NTRK3: variants seen among roughly 807,000 people sequenced by gnomAD.
The protein encoded by NTRK3 is NT-3 growth factor receptor.
In NTRK3, 24 loss-of-function variants were observed where a neutral mutation model predicts 91.7. That is an observed-to-expected ratio of 0.26 (90% CI 0.19 to 0.37). NTRK3 has a LOEUF of 0.37. Among genes scored for constraint, NTRK3 ranks in the 10% least tolerant of loss-of-function variants. The probability of loss-of-function intolerance (pLI) is 1.00; values close to 1 mark genes in which losing one functional copy is unlikely to be tolerated. For synonymous variants in NTRK3, 483 were observed against 404.0 expected, an observed-to-expected ratio of 1.20 and a Z score of -2.34; for missense variants, 880 against 1,068.9, an observed-to-expected ratio of 0.82 and a Z score of 2.46.
chr15:88,251,849 C>T (rs1424879742), intron 3 of NTRK3, among the ~76,000 whole-genome samples: 1 of 152,134 alleles, frequency 6.6e-6, no homozygotes, highest in Non-Finnish European at 1.5e-5. Flanking sequence ...TTCCTGGGGC[C>T]AGTAGATGAG....
intron 3 of NTRK3, among the ~76,000 whole-genome samples, chr15:88,186,156 A>G (rs561977794): frequency 6.6e-6 from 1 of 152,354 alleles, no homozygotes; most frequent in East Asian, 1.9e-4. Context: ...GTAGATCACC[A>G]TGATTGTACA....
intron 14 of NTRK3, among the ~76,000 whole-genome samples, chr15:87,975,820 G>A (rs1489634047): frequency 6.6e-6 from 1 of 152,170 alleles, no homozygotes; most frequent in Admixed American, 6.5e-5. Context: ...CTTCTCACTA[G>A]CAGCACAAGG....
intron 17 of NTRK3, among the ~76,000 whole-genome samples, chr15:87,921,239 A>T (rs1346238790): frequency 6.6e-6 from 1 of 152,222 alleles, no homozygotes; most frequent in Non-Finnish European, 1.5e-5. Flanking sequence ...GATATTTCAA[A>T]AACAGCAAAG....
intron 15 of NTRK3, among the ~76,000 whole-genome samples, chr15:87,937,826 A>G (rs949298887): frequency 2.0e-5 from 3 of 152,190 alleles, no homozygotes; most frequent in Admixed American, 2.0e-4. Flanking sequence ...GATATCTTGG[A>G]AATAAAAGAT....
chr15:88,049,332 C>T (rs1448544764), intron 13 of NTRK3, among the ~76,000 whole-genome samples: 1 of 152,164 alleles, frequency 6.6e-6, no homozygotes, highest in Non-Finnish European at 1.5e-5. Flanking sequence ...TGTGAGGTTA[C>T]AGCTATTTAA....
intron 13 of NTRK3, chr15:88,099,352 G>A (rs1418799281): frequency 5.0e-6 from 1 of 199,268 alleles, no homozygotes; most frequent in Non-Finnish European, 1.0e-5. Flanking sequence ...ATGGAAGAGA[G>A]AAGGTGCTTT....
chr15:88,168,506 G>A (rs1216428729), intron 5 of NTRK3, among the ~76,000 whole-genome samples: 1 of 152,218 alleles, frequency 6.6e-6, no homozygotes, highest in Non-Finnish European at 1.5e-5. Context: ...AATTACAAGA[G>A]CTTAATTTGT....
At chr15:88,138,188 G>A (rs1249396789) in intron 6 of NTRK3, among the ~76,000 whole-genome samples, 3 of 152,132 alleles carry the variant, frequency 2.0e-5, no homozygotes, top group Non-Finnish European at 4.4e-5. Context: ...AGGATCACAA[G>A]GTCAGGAGAT....
chr15:87,929,383 G>A (rs375334981), exon 17 of NTRK3: 1 of 1,613,992 alleles, frequency 6.2e-7, no homozygotes, highest in African/African-American at 1.3e-5. Context: ...GCTCACCCTT[G>A]GCCTGGCGTG....
intron 5 of NTRK3, among the ~76,000 whole-genome samples, chr15:88,164,838 T>C (rs936208111): frequency 1.2e-4 from 18 of 152,248 alleles, no homozygotes; most frequent in African/African-American, 4.3e-4. Flanking sequence ...TTCTGTAATT[T>C]ATACCATGCA....
At chr15:87,936,080 C>G (rs973880349) in intron 15 of NTRK3, among the ~76,000 whole-genome samples, 6 of 152,336 alleles carry the variant, frequency 3.9e-5, no homozygotes, top group Non-Finnish European at 8.8e-5. Context: ...CGGTGACTCT[C>G]TGGCCCCTCT....
intron 3 of NTRK3, among the ~76,000 whole-genome samples, chr15:88,191,336 T>C (rs760250591): frequency 2.0e-5 from 3 of 152,124 alleles, no homozygotes; most frequent in Non-Finnish European, 4.4e-5. Context: ...TATAGGCATG[T>C]GTCACCACGC....
intron 3 of NTRK3, 111 bp from the exon 4 acceptor site, chr15:88,184,410 C>A: frequency 1.9e-6 from 2 of 1,047,134 alleles, no homozygotes; most frequent in South Asian, 2.7e-5. Context: ...GATTGCCAGG[C>A]CTTTTGCCAA....
intron 3 of NTRK3, among the ~76,000 whole-genome samples, chr15:88,228,007 G>T (rs1439660502): frequency 1.3e-5 from 2 of 152,108 alleles, no homozygotes; most frequent in Non-Finnish European, 2.9e-5. Context: ...TAACCTGCAG[G>T]CCTGGTTTTT....
At chr15:88,042,261 A>G (rs541616636) in intron 13 of NTRK3, among the ~76,000 whole-genome samples, 1 of 152,346 alleles carries the variant, frequency 6.6e-6, no homozygotes, top group South Asian at 2.1e-4. Context: ...TCATAAAAAG[A>G]GGCTGGTCCT....
intron 17 of NTRK3, among the ~76,000 whole-genome samples, chr15:87,924,671 G>A (rs549178689): frequency 6.6e-6 from 1 of 152,102 alleles, no homozygotes; most frequent in Non-Finnish European, 1.5e-5. Flanking sequence ...CATCTCCAAA[G>A]GCTCACCTCC....
Position 88,082,790 on chromosome 15 carries a change from C to T in NTRK3, c.1396+43481G>A, listed in dbSNP as rs376331256. ...CACTAAGCCGGGAAGGAAACGGAAT[C>T]GGGGTCTAACTGGGGCCGGGAGATG... On this transcript the variant is annotated intron_variant, in intron 13 of 18. Coordinates refer to ENST00000394480, the Ensembl canonical transcript of NTRK3. 1.9e-3 allele frequency among the ~76,000 whole-genome samples: 282 copies of T among 152,260 alleles called. 1 individual carries two copies. The highest frequency in any genetic ancestry group is 5.7e-3 in the African/African-American group (237 of 41,566).
intron 5 of NTRK3, among the ~76,000 whole-genome samples, chr15:88,179,940 C>A (rs1453208958): frequency 6.6e-6 from 1 of 152,184 alleles, no homozygotes; most frequent in Admixed American, 6.5e-5. Flanking sequence ...GAGAGGTGGG[C>A]TCCACTGTGA....
intron 14 of NTRK3, among the ~76,000 whole-genome samples, chr15:88,002,174 T>G (rs955579122): frequency 5.5e-5 from 8 of 145,514 alleles, no homozygotes; most frequent in Non-Finnish European, 7.5e-5. Context: ...GGTTGTTTTT[T>G]TTTTTTTTTT....
Sources: allele counts gnomAD v4.1 joint callset (sites outside exome capture counted in the v4.1 genomes callset), GRCh38; gene constraint gnomAD v4.1.1; transcripts MANE v1.5; gene names NCBI Gene and HGNC (gene_info 2026-07-23, HGNC 2026-07-21).